The following CLIC4 variants were observed in gnomAD, a reference collection of about 807,000 sequenced individuals.
CLIC4 encodes chloride intracellular channel protein 4.
In CLIC4, 13 loss-of-function variants were observed where a neutral mutation model predicts 24.6. The ratio of observed to expected loss-of-function variants is 0.53; its 90% CI spans 0.34 to 0.84. The LOEUF is 0.84. Among genes scored for constraint, CLIC4 ranks in the 40% least tolerant of loss-of-function variants. The pLI is 0.01. For missense variants in CLIC4, 227 were observed against 301.7 expected, an observed-to-expected ratio of 0.75 and a Z score of 1.83; for synonymous variants, 104 against 111.3, an observed-to-expected ratio of 0.93 and a Z score of 0.41.
At chr1:24,802,711 C>CTTTTTT (rs535381018) in intron 2 of CLIC4, among the ~76,000 whole-genome samples, 10 of 136,910 alleles carry the variant, frequency 7.3e-5, no homozygotes, top group East Asian at 2.1e-4. Context: ...TTTTCTTTTT[C>CTTTTTT]TTTTTTTTTT....
chr1:24,748,492 G>GTTTTT lies in CLIC4; in HGVS notation c.72+2869_72+2873dup, dbSNP rs1360200160. 1.4e-4 allele frequency among the ~76,000 whole-genome samples: 9 copies of GTTTTT among 63,200 alleles called. 1 individual carries two copies. The highest frequency in any genetic ancestry group is 1.5e-4 in the African/African-American group (3 of 20,592). 41.5% of individuals were successfully genotyped at this position (63,200 alleles called of 152,430 possible). On this transcript the variant is annotated intron_variant, in intron 1 of 5. Coordinates refer to ENST00000374379, the MANE Select transcript of CLIC4 (RefSeq NM_013943.3). ...CAAACTTTGCACTGATACAGATCAG[G>GTTTTT]TTTTTTGTTTTTTTTTTTTTTTTTT...
rs573196764 is a variant in CLIC4, at chr1:24,793,709, T to A, written c.73-4033T>A. 1.4e-4 allele frequency among the ~76,000 whole-genome samples: 21 copies of A among 150,498 alleles called. No homozygotes were observed. The South Asian group carries it at 4.0e-3, about 29-fold the overall frequency. On this transcript the variant is annotated intron_variant, in intron 1 of 5. Coordinates refer to ENST00000374379, the MANE Select transcript of CLIC4 (RefSeq NM_013943.3). ...TGTTACTGATAAAGAATGATCGGAT[T>A]TTTTTTTTTTCTTAAACCAAGCTCT...
chr1:24,748,442 C>T (rs56366468), intron 1 of CLIC4, among the ~76,000 whole-genome samples: 1 of 144,514 alleles, frequency 6.9e-6, no homozygotes, highest in Non-Finnish European at 1.5e-5. Context: ...GAAATGTTTT[C>T]TGCTACCCAG....
At chr1:24,787,811 C>T (rs1335086777) in intron 1 of CLIC4, among the ~76,000 whole-genome samples, 2 of 148,440 alleles carry the variant, frequency 1.3e-5, no homozygotes, top group African/African-American at 2.5e-5. Context: ...TCCCAAAGTG[C>T]GGGGATTACA....
chr1:24,805,973 A>G (rs187892894), intron 2 of CLIC4, among the ~76,000 whole-genome samples: 1 of 152,344 alleles, frequency 6.6e-6, no homozygotes, highest in Admixed American at 6.5e-5. Flanking sequence ...GACTACCATG[A>G]TACATGAGGG....
At chr1:24,830,052 A>G (rs1639824744) in intron 4 of CLIC4, among the ~76,000 whole-genome samples, 1 of 152,140 alleles carries the variant, frequency 6.6e-6, no homozygotes, top group Admixed American at 6.6e-5. Context: ...GTCATTGTAA[A>G]TTATCTTGTT....
At chr1:24,831,158 G>C (rs1639836349) in intron 4 of CLIC4, among the ~76,000 whole-genome samples, 2 of 152,138 alleles carry the variant, frequency 1.3e-5, no homozygotes, top group African/African-American at 4.8e-5. Context: ...CATCAGAAGT[G>C]CTTTGCTAAG....
intron 1 of CLIC4, among the ~76,000 whole-genome samples, chr1:24,778,602 G>T (rs570196612): frequency 6.6e-6 from 1 of 152,050 alleles, no homozygotes; most frequent in East Asian, 1.9e-4. Flanking sequence ...TGAAGAATTT[G>T]TAAGAAAAAA....
At chr1:24,796,977 C>CAA (rs1639412114) in intron 1 of CLIC4, among the ~76,000 whole-genome samples, 2 of 146,852 alleles carry the variant, frequency 1.4e-5, no homozygotes, top group South Asian at 2.1e-4. Flanking sequence ...TTTTTTGAGA[C>CAA]AGAGTCTCGC....
chr1:24,814,277 T>C (rs1639646664), intron 3 of CLIC4, 58 bp downstream of exon 3: 1 of 1,560,434 alleles, frequency 6.4e-7, no homozygotes, highest in Non-Finnish European at 8.7e-7. Flanking sequence ...GCTTGTGTTA[T>C]TTGTCAGTAG....
chr1:24,798,906 C>T (rs558590409), intron 2 of CLIC4, among the ~76,000 whole-genome samples: 18 of 152,372 alleles, frequency 1.2e-4, no homozygotes, highest in African/African-American at 2.9e-4. Flanking sequence ...CTCGGCCTCC[C>T]GAGGTGCCGG....
intron 1 of CLIC4, among the ~76,000 whole-genome samples, chr1:24,786,905 A>G (rs185638532): frequency 0.016 from 2,408 of 151,328 alleles, 59 homozygotes; most frequent in African/African-American, 0.056. Context: ...GGTGTGAGCC[A>G]CCGTGCCAGG....
chr1:24,759,501 A>G (rs562141185), intron 1 of CLIC4, among the ~76,000 whole-genome samples: 3 of 150,126 alleles, frequency 2.0e-5, no homozygotes, highest in Non-Finnish European at 4.4e-5. Context: ...GCACTTTTTT[A>G]TTCTAGCTGA....
chr1:24,757,538 G>T (rs1638866998), intron 1 of CLIC4, among the ~76,000 whole-genome samples: 1 of 151,982 alleles, frequency 6.6e-6, no homozygotes, highest in Admixed American at 6.6e-5. Flanking sequence ...CCAGGAGTTC[G>T]AGACCAGCCT....
intron 1 of CLIC4, among the ~76,000 whole-genome samples, chr1:24,782,491 A>G (rs1034619658): frequency 3.9e-5 from 6 of 151,972 alleles, no homozygotes; most frequent in African/African-American, 1.5e-4. Context: ...AGGTCCTCAC[A>G]TGGCTGGTGA....
intron 3 of CLIC4, among the ~76,000 whole-genome samples, chr1:24,819,729 G>A (rs1295414372): frequency 4.7e-5 from 7 of 149,632 alleles, no homozygotes; most frequent in Non-Finnish European, 7.4e-5. Context: ...ATGAGCCACC[G>A]CGCCTGACCA....
intron 1 of CLIC4, among the ~76,000 whole-genome samples, chr1:24,748,697 C>A (rs745497580): frequency 6.6e-6 from 1 of 151,598 alleles, no homozygotes; most frequent in Non-Finnish European, 1.5e-5. Flanking sequence ...CTGGGTTTTA[C>A]CATGTTGGCC....
chr1:24,842,688 G>A lies in CLIC4; in HGVS notation c.*1751G>A, dbSNP rs1639955564. The stretch of plus-strand genomic sequence containing the variant: ...TCTTTATTGCTTATCAAAAGTTTGA[G>A]TACCCGCTTGGTTTTTTTTTGGTAA... On this transcript the variant is annotated 3_prime_UTR_variant, in exon 6 of 6. Transcript: ENST00000374379. 1 of 152,006 alleles carries A rather than the reference G, an allele frequency of 6.6e-6. No individual in the cohort carries two copies. 9.4% of individuals were successfully genotyped at this position (152,006 alleles called of 1,614,324 possible).
intron 1 of CLIC4, among the ~76,000 whole-genome samples, chr1:24,780,459 C>T (rs750023596): frequency 5.3e-5 from 8 of 152,226 alleles, no homozygotes; most frequent in Non-Finnish European, 1.0e-4. Flanking sequence ...CACGATCTGG[C>T]CCCTGCCAAC....
Sources: gnomAD v4.1 joint callset for allele counts (sites outside exome capture counted in the v4.1 genomes callset) on GRCh38, gnomAD v4.1.1 for gene constraint, MANE v1.5 for transcripts, NCBI Gene and HGNC (gene_info 2026-07-23, HGNC 2026-07-21) for gene names.